Variants in GRXCR1 observed in about 807,000 individuals in gnomAD.
GRXCR1 encodes the protein glutaredoxin and cysteine rich domain containing 1.
Under a neutral mutation model 27.3 loss-of-function variants are expected in GRXCR1, and 27 were observed. The observed-to-expected ratio is 0.99, with a 90% CI of 0.73 to 1.37. The LOEUF is 1.37. Among genes scored for constraint, GRXCR1 ranks in the 40% most tolerant of loss-of-function variants. GRXCR1 has a pLI of 0.00. For synonymous variants in GRXCR1, 122 were observed against 131.1 expected (o/e 0.93, Z 0.47); for missense variants, 379 against 354.4 (o/e 1.07, Z -0.56).
At chr4:42,973,217 C>G (rs965649822) in intron 2 of GRXCR1, among the ~76,000 whole-genome samples, 1 of 152,132 alleles carries the variant, frequency 6.6e-6, no homozygotes, top group Admixed American at 6.5e-5. Context: ...CTCCACATTG[C>G]CATGGGCATG....
At chr4:42,967,383 T>C (rs112690455) in intron 2 of GRXCR1, among the ~76,000 whole-genome samples, 2 of 152,130 alleles carry the variant, frequency 1.3e-5, no homozygotes, top group African/African-American at 4.8e-5. Flanking sequence ...CTGGGTTCTA[T>C]ACTGTTTCTA....
At chr4:43,022,606 A>G (rs1306351882) in intron 3 of GRXCR1, among the ~76,000 whole-genome samples, 1 of 152,196 alleles carries the variant, frequency 6.6e-6, no homozygotes, top group Non-Finnish European at 1.5e-5. Flanking sequence ...GCTTTGGGAT[A>G]TAGTAAAACT....
intron 2 of GRXCR1, among the ~76,000 whole-genome samples, chr4:42,995,982 A>G (rs892881941): frequency 1.3e-5 from 2 of 152,234 alleles, no homozygotes; most frequent in Non-Finnish European, 2.9e-5. Flanking sequence ...CACCTCAAAT[A>G]TAAGCATATG....
rs1216855837 is a variant in GRXCR1 at position 42,893,506 on chromosome 4, G to A, written c.240G>A (p.Leu80=). ...AGAATGAGAATGACCAGGATAGCTT[G>A]CTGGTGTTAGCAAGGGCTGCCAGTG... ...GDENENDQDS[L]LVLARAASEK... is the part of the protein sequence containing the mutation. Residue 80 remains leucine (L), a synonymous_variant, in exon 1 of 4, where the codon TTG becomes TTA. Transcript: ENST00000399770. 5.6e-6 allele frequency: 9 copies of A among 1,613,750 alleles called. No homozygotes were observed. The highest frequency in any genetic ancestry group is 7.6e-6 in the Non-Finnish European group (9 of 1,179,834).
chr4:42,901,361 G>T (rs1746456803), intron 1 of GRXCR1, among the ~76,000 whole-genome samples: 1 of 152,076 alleles, frequency 6.6e-6, no homozygotes, highest in South Asian at 2.1e-4. Flanking sequence ...TCAAAGTTTT[G>T]GCAGTGCTGC....
At chr4:43,029,803 G>A (rs1052760796) in intron 3 of GRXCR1, among the ~76,000 whole-genome samples, 3 of 152,054 alleles carry the variant, frequency 2.0e-5, no homozygotes, top group African/African-American at 7.2e-5. Flanking sequence ...TACTTGTTAG[G>A]GTGGGTGAAG....
chr4:42,932,576 C>CCATA (rs1333123699), intron 1 of GRXCR1, among the ~76,000 whole-genome samples: 1 of 42,626 alleles, frequency 2.3e-5, no homozygotes, highest in Non-Finnish European at 4.3e-5. Context: ...AAACTCCCTT[C>CCATA]CATATATATA....
intron 2 of GRXCR1, among the ~76,000 whole-genome samples, chr4:43,001,508 G>T (rs1166010635): frequency 1.3e-5 from 2 of 152,144 alleles, no homozygotes; most frequent in Non-Finnish European, 2.9e-5. Context: ...CTAAATTTAT[G>T]TGGTGTTTTC....
At chr4:42,993,111 T>G (rs1712027315) in intron 2 of GRXCR1, among the ~76,000 whole-genome samples, 1 of 152,168 alleles carries the variant, frequency 6.6e-6, no homozygotes, top group South Asian at 2.1e-4. Context: ...TCCTTTCTTC[T>G]TTCTTTTTTT....
At chr4:42,921,417 T>G (rs947839939) in intron 1 of GRXCR1, among the ~76,000 whole-genome samples, 4 of 152,154 alleles carry the variant, frequency 2.6e-5, no homozygotes, top group African/African-American at 9.6e-5. Context: ...TCTAAGAGTC[T>G]TCTAAATTTG....
At chr4:42,954,910 T>C (rs1266979419) in intron 1 of GRXCR1, among the ~76,000 whole-genome samples, 1 of 152,166 alleles carries the variant, frequency 6.6e-6, no homozygotes, top group East Asian at 1.9e-4. Context: ...CAAGATGTGA[T>C]TTGAGAGCAA....
At chr4:42,942,123 T>C (rs141744466) in intron 1 of GRXCR1, among the ~76,000 whole-genome samples, 1 of 152,140 alleles carries the variant, frequency 6.6e-6, no homozygotes, top group African/African-American at 2.4e-5. Flanking sequence ...TTGGAAACTA[T>C]TCTGATAGTA....
chr4:42,981,480 C>G (rs73811493), intron 2 of GRXCR1, among the ~76,000 whole-genome samples: 1 of 152,140 alleles, frequency 6.6e-6, no homozygotes, highest in Non-Finnish European at 1.5e-5. Context: ...ATGTACAAAC[C>G]ACCATTACGG....
At chr4:42,983,252 C>A (rs1711544807) in intron 2 of GRXCR1, among the ~76,000 whole-genome samples, 5 of 148,046 alleles carry the variant, frequency 3.4e-5, no homozygotes, top group Admixed American at 3.4e-4. Context: ...AGGAAGGGAT[C>A]CAGTTTCAGC....
At chr4:42,935,808 T>C (rs1435363483) in intron 1 of GRXCR1, among the ~76,000 whole-genome samples, 1 of 151,932 alleles carries the variant, frequency 6.6e-6, no homozygotes, top group African/African-American at 2.4e-5. Context: ...CTTGGAAGTC[T>C]AGTGTTCCTT....
At chr4:43,006,527 G>C (rs1185060697) in intron 2 of GRXCR1, among the ~76,000 whole-genome samples, 1 of 152,116 alleles carries the variant, frequency 6.6e-6, no homozygotes, top group Non-Finnish European at 1.5e-5. Context: ...ATAGACCCCA[G>C]TCTCCCATAG....
At chr4:43,018,032 C>T (rs1712980147) in intron 2 of GRXCR1, among the ~76,000 whole-genome samples, 5 of 152,184 alleles carry the variant, frequency 3.3e-5, no homozygotes, top group South Asian at 2.1e-4. Flanking sequence ...AATCTCTATT[C>T]TGCTATTGCT....
intron 1 of GRXCR1, among the ~76,000 whole-genome samples, chr4:42,947,162 C>T (rs969825335): frequency 4.6e-5 from 7 of 152,086 alleles, no homozygotes; most frequent in Non-Finnish European, 1.0e-4. Context: ...GGGGCTTCAA[C>T]AGCCTTCAGT....
At chr4:42,939,404 G>A (rs1055860084) in intron 1 of GRXCR1, among the ~76,000 whole-genome samples, 2 of 151,916 alleles carry the variant, frequency 1.3e-5, no homozygotes, top group Non-Finnish European at 2.9e-5. Context: ...TTTTTTGGTG[G>A]AGTCTTTAGG....
Sources: gnomAD v4.1 joint callset for allele counts (sites outside exome capture counted in the v4.1 genomes callset) on GRCh38, gnomAD v4.1.1 for gene constraint, MANE v1.5 for transcripts, NCBI Gene and HGNC (gene_info 2026-07-23, HGNC 2026-07-21) for gene names.